ZSWIM7: variants seen among roughly 807,000 people sequenced by gnomAD.
The protein encoded by ZSWIM7 is zinc finger SWIM-type containing 7.
ZSWIM7 carries 22 observed loss-of-function variants against 21.1 expected under a neutral mutation model. That is an observed-to-expected ratio of 1.04 (90% CI 0.74 to 1.49). ZSWIM7 has a LOEUF of 1.49. ZSWIM7 is among the 40% of genes most tolerant of loss of function. The pLI is 0.00. For synonymous variants in ZSWIM7, 67 were observed against 66.5 expected (o/e 1.01, Z -0.04); for missense variants, 193 against 168.0 (o/e 1.15, Z -0.82).
At chr17:15,997,161 A>T (rs1371518287) in intron 1 of ZSWIM7, among the ~76,000 whole-genome samples, 1 of 151,984 alleles carries the variant, frequency 6.6e-6, no homozygotes, top group Non-Finnish European at 1.5e-5. Context: ...GTCTCAAAAA[A>T]AAAAAAAAGA....
rs1290533582 is a variant in ZSWIM7 at position 15,999,625 on chromosome 17, C to A, written c.-31G>T. ...CGCAGGACACGCCCTCCACGACCGG[C>A]GGACCGCCGCGACGCTCCAGCTGAC... On this transcript the variant is annotated 5_prime_UTR_variant, in exon 1 of 5. Transcript: ENST00000399277. The A allele has an allele frequency of 1.9e-6, 3 of 1,565,420 alleles. No homozygotes were observed. Among genetic ancestry groups the A allele is most frequent in the East Asian group, 2.4e-5 (1 of 41,788 alleles).
At chr17:15,999,444 T>TGCCTCCC in intron 1 of ZSWIM7, 75 bp downstream of exon 1, 1 of 1,557,946 alleles carries the variant, frequency 6.4e-7, no homozygotes, top group African/African-American at 1.4e-5. Context: ...CCCCGCCTCC[T>TGCCTCCC]GCCTCCCGGC....
At chr17:15,997,017 A>G (rs530187775) in intron 1 of ZSWIM7, among the ~76,000 whole-genome samples, 118 of 152,124 alleles carry the variant, frequency 7.8e-4, no homozygotes, top group Admixed American at 1.7e-3. Flanking sequence ...AAAACTAGCC[A>G]GCTGTGGTAT....
intron 4 of ZSWIM7, among the ~76,000 whole-genome samples, chr17:15,978,415 T>C (rs1970305425): frequency 6.6e-6 from 1 of 152,084 alleles, no homozygotes; most frequent in African/African-American, 2.4e-5. Context: ...CTGGCTGATA[T>C]GGCAAAACCC....
chr17:15,981,896 A>G (rs912503863), intron 3 of ZSWIM7, among the ~76,000 whole-genome samples: 1 of 152,254 alleles, frequency 6.6e-6, no homozygotes, highest in Non-Finnish European at 1.5e-5. Flanking sequence ...AGCCTGGGTG[A>G]CAAAGATCCC....
At position 15,999,564 on chromosome 17, in the gene ZSWIM7, CCTCCACAACCGCCGGCAACA is replaced by C; in HGVS notation, c.11_30del (p.Val4GlyfsTer18). 1 of 1,590,020 alleles carries C rather than the reference CCTCCACAACCGCCGGCAACA, an allele frequency of 6.3e-7. No individual in the cohort carries two copies. The highest frequency in any genetic ancestry group is 8.6e-7 in the Non-Finnish European group (1 of 1,168,016). On this transcript the variant is annotated frameshift_variant, in exon 1 of 5. Coordinates refer to ENST00000399277, the MANE Select transcript of ZSWIM7 (RefSeq NM_001042697.2). LOFTEE classifies it high-confidence loss of function. ...GCCGCCGCCATCTCGCTCAGGAGCT[CCTCCACAACCGCCGGCAACA>C]CTACGGCCATCGCGCCGCAGGACAC... is the stretch of plus-strand genomic sequence containing the variant.
intron 2 of ZSWIM7, among the ~76,000 whole-genome samples, chr17:15,992,564 C>G (rs570344535): frequency 6.6e-6 from 1 of 151,634 alleles, no homozygotes. Flanking sequence ...CTCAGCCTCC[C>G]GAATAGCTGG....
chr17:15,994,531 A>C (rs542144042), intron 1 of ZSWIM7, among the ~76,000 whole-genome samples: 1 of 152,336 alleles, frequency 6.6e-6, no homozygotes, highest in African/African-American at 2.4e-5. Context: ...AGTACGTTTG[A>C]GAAGTAGTGG....
At chr17:15,989,900 G>A (rs1456456181) in intron 2 of ZSWIM7, among the ~76,000 whole-genome samples, 4 of 152,064 alleles carry the variant, frequency 2.6e-5, no homozygotes, top group Non-Finnish European at 5.9e-5. Context: ...GATCCACCAT[G>A]CCTGGCCAAA....
chr17:15,981,447 C>T (rs1329267976), intron 3 of ZSWIM7, among the ~76,000 whole-genome samples: 1 of 148,372 alleles, frequency 6.7e-6, no homozygotes, highest in Non-Finnish European at 1.5e-5. Flanking sequence ...ACTCTATGGG[C>T]TGACTGTAAT....
At chr17:15,998,800 G>A (rs543021466) in intron 1 of ZSWIM7, among the ~76,000 whole-genome samples, 39 of 150,828 alleles carry the variant, frequency 2.6e-4, no homozygotes, top group Middle Eastern at 3.4e-3. Flanking sequence ...TGTTGCCCAG[G>A]CTGGAGTGCA....
chr17:15,977,862 T>C lies in ZSWIM7; in HGVS notation c.*185A>G, dbSNP rs946337879. On this transcript the variant is annotated 3_prime_UTR_variant, in exon 5 of 5. Transcript: ENST00000399277. ...CAAGACTGTACAGGGCTTCTCATCA[T>C]ACACAAACCCTCCACAGCCCACGGC... The C allele has an allele frequency of 1.1e-5, 6 of 562,294 alleles. No homozygotes were observed. Among genetic ancestry groups the C allele is most frequent in the Non-Finnish European group, 1.9e-5 (6 of 310,644 alleles). 34.8% of individuals were successfully genotyped at this position (562,294 alleles called of 1,614,324 possible).
chr17:15,977,713 A>AG lies in ZSWIM7; in HGVS notation c.*333_*334insC, dbSNP rs1041835618. ...AGTGAGACTCCATCTCAAAAGAAAA[A>AG]AAAAAAGACTAAATAATGTGGACAC... is the stretch of plus-strand genomic sequence containing the variant. On this transcript the variant is annotated 3_prime_UTR_variant, in exon 5 of 5. Coordinates refer to ENST00000399277, the MANE Select transcript of ZSWIM7 (RefSeq NM_001042697.2). 6.1e-6 allele frequency: 1 copy of AG among 164,486 alleles called. No individual in the cohort carries two copies. The highest frequency in any genetic ancestry group is 2.4e-5 in the African/African-American group (1 of 41,556). The allele number at this position is 164,486 out of a possible 1,614,324, so 10.2% of individuals were successfully genotyped here.
rs375405804 is a variant in ZSWIM7 at position 15,977,937 on chromosome 17, A to G, written c.*110T>C. The stretch of plus-strand genomic sequence containing the variant: ...TCCTGGAGGGAAAAGGGACAGTAAC[A>G]TGAAGTGTCTGAAGATCCATTTCAC... On this transcript the variant is annotated 3_prime_UTR_variant, in exon 5 of 5. Coordinates refer to ENST00000399277, the MANE Select transcript of ZSWIM7 (RefSeq NM_001042697.2). 28 of 906,322 alleles carry G rather than the reference A, an allele frequency of 3.1e-5. No homozygotes were observed. Among genetic ancestry groups the G allele is most frequent in the East Asian group, 2.5e-4 (10 of 40,478 alleles). The allele number at this position is 906,322 out of a possible 1,614,324, so 56.1% of individuals were successfully genotyped here. A position where few individuals can be genotyped will look rare whatever the true frequency, so the allele number is the denominator to read the frequency against.
chr17:15,991,833 G>A (rs1443344595), intron 2 of ZSWIM7, among the ~76,000 whole-genome samples: 1 of 151,870 alleles, frequency 6.6e-6, no homozygotes, highest in Non-Finnish European at 1.5e-5. Context: ...AGGCTGGAGT[G>A]TAGTGGCACA....
rs1445786806 is a variant in ZSWIM7 at position 15,989,452 on chromosome 17, G to T, written c.99-2084C>A. ...CCGGCCCAGCCTCCTGAGTAGCTGG[G>T]ATTATAGGTGCAGGCCACCATGCCC... On this transcript the variant is annotated intron_variant, in intron 2 of 4. Transcript: ENST00000399277. 2.6e-5 allele frequency among the ~76,000 whole-genome samples: 4 copies of T among 152,182 alleles called. No homozygotes were observed. The East Asian group carries it at 7.7e-4, about 29-fold the overall frequency.
At chr17:15,994,044 G>A (rs1361477638) in intron 1 of ZSWIM7, among the ~76,000 whole-genome samples, 1 of 152,178 alleles carries the variant, frequency 6.6e-6, no homozygotes, top group Non-Finnish European at 1.5e-5. Flanking sequence ...CGCCTCCCGG[G>A]TTTAAACCAT....
At chr17:15,998,098 T>TA (rs374672139) in intron 1 of ZSWIM7, among the ~76,000 whole-genome samples, 6,590 of 140,318 alleles carry the variant, frequency 0.047, 315 homozygotes, top group African/African-American at 0.12. Context: ...AGACTCTGTC[T>TA]AAAAAAAAAA....
intron 3 of ZSWIM7, among the ~76,000 whole-genome samples, chr17:15,986,067 C>CA (rs1164330698): frequency 3.4e-5 from 3 of 87,086 alleles, no homozygotes; most frequent in African/African-American, 2.4e-4. Flanking sequence ...TGTTTTGAGA[C>CA]AGAGTTCTGC....
Sources: gnomAD v4.1 joint callset for allele counts (sites outside exome capture counted in the v4.1 genomes callset) on GRCh38, gnomAD v4.1.1 for gene constraint, MANE v1.5 for transcripts, NCBI Gene and HGNC (gene_info 2026-07-23, HGNC 2026-07-21) for gene names.